Variants in CACNA2D2 observed in about 807,000 individuals in gnomAD.
CACNA2D2 encodes voltage-dependent calcium channel subunit alpha-2/delta-2.
CACNA2D2 carries 48 observed loss-of-function variants against 166.4 expected under a neutral mutation model. The observed-to-expected ratio is 0.29, with a 90% CI of 0.23 to 0.37. CACNA2D2 has a LOEUF of 0.37. CACNA2D2 is among the 10% of genes least tolerant of loss of function. CACNA2D2 has a pLI of 1.00. For synonymous variants in CACNA2D2, 561 were observed against 573.7 expected (o/e 0.98, Z 0.32); for missense variants, 1,122 against 1,433.0 (o/e 0.78, Z 3.50).
In CACNA2D2 at chr3:50,461,756, A is replaced by G. The variant is rs547874947; in HGVS notation, c.288+14362T>C. Among the ~76,000 whole-genome samples, 4 of 149,338 alleles carry G rather than the reference A, an allele frequency of 2.7e-5. No homozygotes were observed. In the South Asian group the frequency reaches 8.4e-4, roughly 32 times the overall value. On this transcript the variant is annotated intron_variant, in intron 2 of 37. Coordinates refer to ENST00000424201, the MANE Select transcript of CACNA2D2 (RefSeq NM_006030.4). Reference sequence around the variant, plus strand: ...AGCCTGGGGAGTCTCAAAAAAAAAAAAAAAAAAGAAAAAAAGAAAGAAAGG... The same window carrying G: ...AGCCTGGGGAGTCTCAAAAAAAAAAGAAAAAAAGAAAAAAAGAAAGAAAGG...
chr3:50,477,911 C>G (rs1054690012), intron 1 of CACNA2D2, among the ~76,000 whole-genome samples: 6 of 152,170 alleles, frequency 3.9e-5, no homozygotes, highest in Admixed American at 2.0e-4. Context: ...TCCTGCCCTG[C>G]CTCCTCCACT....
At chr3:50,395,105 G>T (rs72936959) in intron 3 of CACNA2D2, among the ~76,000 whole-genome samples, 4,729 of 152,238 alleles carry the variant, frequency 0.031, 234 homozygotes, top group African/African-American at 0.11. Context: ...TGGCCTCGGG[G>T]GCCTTCTGCA....
chr3:50,410,936 C>A (rs1433779273), intron 3 of CACNA2D2, among the ~76,000 whole-genome samples: 3 of 152,238 alleles, frequency 2.0e-5, no homozygotes, highest in Admixed American at 6.5e-5. Context: ...GAAAGCACAT[C>A]CATGCTGCCA....
At chr3:50,449,646 A>G (rs752989898) in intron 2 of CACNA2D2, among the ~76,000 whole-genome samples, 1 of 152,206 alleles carries the variant, frequency 6.6e-6, no homozygotes, top group East Asian at 1.9e-4. Flanking sequence ...AGGGATGAAA[A>G]TAGTGTCAGC....
chr3:50,416,864 AGT>A (rs142353969), intron 3 of CACNA2D2, among the ~76,000 whole-genome samples: 4 of 152,136 alleles, frequency 2.6e-5, no homozygotes. Context: ...CAGGAGTGAA[AGT>A]GTGTGTGTGT....
chr3:50,396,629 G>A (rs994134351), intron 3 of CACNA2D2, among the ~76,000 whole-genome samples: 3 of 152,162 alleles, frequency 2.0e-5, no homozygotes, highest in Non-Finnish European at 2.9e-5. Context: ...TGTACGGTTC[G>A]CAATGCTTGT....
intron 1 of CACNA2D2, among the ~76,000 whole-genome samples, chr3:50,488,696 T>C (rs1698394500): frequency 6.6e-6 from 1 of 151,584 alleles, no homozygotes; most frequent in African/African-American, 2.4e-5. Context: ...CTGGTGTTTT[T>C]TTTTTGTTTG....
At chr3:50,470,781 G>C (rs1019506407) in intron 2 of CACNA2D2, among the ~76,000 whole-genome samples, 1 of 151,828 alleles carries the variant, frequency 6.6e-6, no homozygotes, top group Non-Finnish European at 1.5e-5. Context: ...AGGCCGGGTT[G>C]GGGGGGACAC....
At chr3:50,471,862 G>C (rs1710113400) in intron 2 of CACNA2D2, among the ~76,000 whole-genome samples, 3 of 152,324 alleles carry the variant, frequency 2.0e-5, no homozygotes, top group South Asian at 2.1e-4. Flanking sequence ...AGATGGCTGG[G>C]GGCAGAGAAG....
chr3:50,373,123 AAAAC>A, intron 22 of CACNA2D2: 1 of 1,532,424 alleles, frequency 6.5e-7, no homozygotes, highest in African/African-American at 1.4e-5. Context: ...GAGGAAAACA[AAAAC>A]AACACAAACA....
intron 4 of CACNA2D2, among the ~76,000 whole-genome samples, chr3:50,388,156 C>T (rs1345847227): frequency 1.3e-5 from 2 of 152,182 alleles, no homozygotes; most frequent in East Asian, 1.9e-4. Context: ...AGCCCTCACC[C>T]GCCTGCGTCT....
At chr3:50,485,144 C>T (rs1323413000) in intron 1 of CACNA2D2, among the ~76,000 whole-genome samples, 1 of 152,198 alleles carries the variant, frequency 6.6e-6, no homozygotes, top group African/African-American at 2.4e-5. Flanking sequence ...GGAAGAGTGA[C>T]CCAGAACTGG....
intron 3 of CACNA2D2, among the ~76,000 whole-genome samples, chr3:50,430,372 T>C (rs1298708312): frequency 1.3e-5 from 2 of 152,198 alleles, no homozygotes; most frequent in African/African-American, 4.8e-5. Flanking sequence ...CAGCACAGGA[T>C]GGTGCTGCAG....
At chr3:50,438,803 A>G (rs927626127) in intron 2 of CACNA2D2, among the ~76,000 whole-genome samples, 1 of 152,186 alleles carries the variant, frequency 6.6e-6, no homozygotes, top group African/African-American at 2.4e-5. Context: ...GCAAGGGGGA[A>G]GATGGAAGGG....
intron 3 of CACNA2D2, among the ~76,000 whole-genome samples, chr3:50,432,565 T>C (rs1011519111): frequency 8.5e-5 from 13 of 152,100 alleles, no homozygotes; most frequent in Non-Finnish European, 1.6e-4. Flanking sequence ...GCACGCCCAG[T>C]TCAGAAAGGT....
Position 50,402,221 on chromosome 3 carries a change from G to C in CACNA2D2, c.406-8053C>G, listed in dbSNP as rs554298753. Among the ~76,000 whole-genome samples, 79 of 152,378 alleles carry C rather than the reference G, an allele frequency of 5.2e-4. 1 individual carries two copies. Among genetic ancestry groups the C allele is most frequent in the African/African-American group, 1.8e-3 (74 of 41,590 alleles). On this transcript the variant is annotated intron_variant, in intron 3 of 37. Transcript: ENST00000424201. ...CAAATGTGTCCAGTGTGAACAGGGA[G>C]AGGGTGAGGCAAGGGGCCTCTGTGG...
intron 22 of CACNA2D2, among the ~76,000 whole-genome samples, chr3:50,373,374 C>G (rs907330028): frequency 6.7e-6 from 1 of 149,552 alleles, no homozygotes; most frequent in Non-Finnish European, 1.5e-5. Flanking sequence ...CCAGTGACCT[C>G]GGGCGTGGTG....
chr3:50,390,408 A>G (rs746784222), intron 4 of CACNA2D2, among the ~76,000 whole-genome samples: 3 of 152,114 alleles, frequency 2.0e-5, no homozygotes, highest in Non-Finnish European at 4.4e-5. Context: ...GGGTATGAAG[A>G]GAACAGGGAG....
chr3:50,435,925 C>T (rs1436360363), intron 2 of CACNA2D2, among the ~76,000 whole-genome samples: 1 of 152,218 alleles, frequency 6.6e-6, no homozygotes, highest in Non-Finnish European at 1.5e-5. Context: ...AGTGCCAGGC[C>T]AGGATGTTCC....
Sources: allele counts gnomAD v4.1 joint callset (sites outside exome capture counted in the v4.1 genomes callset), GRCh38; gene constraint gnomAD v4.1.1; transcripts MANE v1.5; gene names NCBI Gene and HGNC (gene_info 2026-07-23, HGNC 2026-07-21).